PHLDB2: variants seen among roughly 807,000 people sequenced by gnomAD.
PHLDB2 encodes pleckstrin homology like domain family B member 2.
PHLDB2 carries 71 observed loss-of-function variants against 123.6 expected under a neutral mutation model. The ratio of observed to expected loss-of-function variants is 0.57; its 90% CI spans 0.47 to 0.70. PHLDB2 has a LOEUF of 0.70. Among genes scored for constraint, PHLDB2 ranks in the 30% least tolerant of loss-of-function variants. PHLDB2 has a pLI of 0.00. For synonymous variants in PHLDB2, 547 were observed against 541.6 expected, an observed-to-expected ratio of 1.01 and a Z score of -0.14; for missense variants, 1,446 against 1,519.5, an observed-to-expected ratio of 0.95 and a Z score of 0.80.
intron 3 of PHLDB2, chr3:111,916,573 T>G (rs1434245289): frequency 1.3e-5 from 2 of 152,152 alleles, no homozygotes; most frequent in Admixed American, 6.5e-5. Context: ...CTTAATGATA[T>G]TTAGAAAACC....
chr3:111,905,805 C>T (rs1007492112), intron 2 of PHLDB2, among the ~76,000 whole-genome samples: 7 of 152,130 alleles, frequency 4.6e-5, no homozygotes, highest in Admixed American at 6.5e-5. Flanking sequence ...GCTATTATGT[C>T]ATTAAAAAAT....
At position 111,935,088 on chromosome 3, in the gene PHLDB2, T is replaced by G. The variant is rs189566361; in HGVS notation, c.2130+2691T>G. On this transcript the variant is annotated intron_variant, in intron 6 of 17. Transcript: ENST00000431670. ...CTCAAATGAATGGTTGATTTTGGTA[T>G]CTTGATTTTTTTTTTTTTTTTTTTT... 2.1e-5 allele frequency among the ~76,000 whole-genome samples: 3 copies of G among 141,164 alleles called. No homozygotes were observed. The South Asian group carries it at 6.7e-4, about 32-fold the overall frequency. The allele number at this position is 141,164 out of a possible 152,430, so 92.6% of individuals were successfully genotyped here.
chr3:111,953,655 C>A, intron 11 of PHLDB2: 1 of 310,564 alleles, frequency 3.2e-6, no homozygotes, highest in Non-Finnish European at 6.1e-6. Flanking sequence ...TTCAGCCATT[C>A]TTTCAGGTGA....
intron 1 of PHLDB2, among the ~76,000 whole-genome samples, chr3:111,870,329 G>A (rs2065278304): frequency 6.6e-6 from 1 of 152,028 alleles, no homozygotes; most frequent in African/African-American, 2.4e-5. Flanking sequence ...AGATAGAGGA[G>A]GTTGAGGAGG....
intron 1 of PHLDB2, among the ~76,000 whole-genome samples, chr3:111,770,701 A>G (rs562212008): frequency 6.6e-6 from 1 of 152,348 alleles, no homozygotes; most frequent in Non-Finnish European, 1.5e-5. Flanking sequence ...GACTTCTCCA[A>G]TATTACACAG....
chr3:111,776,764 C>A (rs1370477139), intron 1 of PHLDB2, among the ~76,000 whole-genome samples: 1 of 152,058 alleles, frequency 6.6e-6, no homozygotes, highest in Non-Finnish European at 1.5e-5. Flanking sequence ...CGTGTACTTC[C>A]TTTAGATTTG....
intron 1 of PHLDB2, among the ~76,000 whole-genome samples, chr3:111,781,102 T>G (rs993554524): frequency 1.6e-4 from 25 of 152,124 alleles, no homozygotes; most frequent in Non-Finnish European, 5.9e-5. Context: ...TAAAGTCATT[T>G]TTTAGCTTTT....
At chr3:111,857,484 AT>A (rs201329947), upstream of PHLDB2, among the ~76,000 whole-genome samples, 1,965 of 150,566 alleles carry the variant, frequency 0.013, 36 homozygotes, top group African/African-American at 0.04. Context: ...AGAAAAAAAA[AT>A]TCCAAGGTAA....
At chr3:111,927,372 T>G (rs916706489) in intron 5 of PHLDB2, among the ~76,000 whole-genome samples, 6 of 151,928 alleles carry the variant, frequency 3.9e-5, no homozygotes, top group Non-Finnish European at 7.4e-5. Flanking sequence ...GTCAAATAAA[T>G]AAATAAATAA....
At chr3:111,852,492 A>G (rs577931688) in intron 2 of PHLDB2, among the ~76,000 whole-genome samples, 100 of 151,822 alleles carry the variant, frequency 6.6e-4, no homozygotes, top group African/African-American at 2.4e-3. Flanking sequence ...AAATCAAGGT[A>G]TGGTATAACT....
chr3:111,816,132 G>GTT (rs2062065632), intron 1 of PHLDB2, among the ~76,000 whole-genome samples: 2 of 152,228 alleles, frequency 1.3e-5, no homozygotes, highest in Non-Finnish European at 2.9e-5. Context: ...CCATGCAGAA[G>GTT]TTTGCTGCCA....
At chr3:111,962,433 CT>C in intron 13 of PHLDB2, 121 bp downstream of exon 13, 1 of 776,498 alleles carries the variant, frequency 1.3e-6, no homozygotes, top group South Asian at 1.8e-5. Flanking sequence ...CATAAAGGGT[CT>C]GTAATGCAGA....
chr3:111,896,098 G>A (rs780528243), intron 2 of PHLDB2, among the ~76,000 whole-genome samples: 165 of 151,938 alleles, frequency 1.1e-3, no homozygotes, highest in African/African-American at 3.9e-3. Context: ...GATTACAGGT[G>A]CATGCCACAA....
intron 9 of PHLDB2, among the ~76,000 whole-genome samples, chr3:111,946,758 G>A (rs973379716): frequency 6.6e-6 from 1 of 152,188 alleles, no homozygotes; most frequent in Non-Finnish European, 1.5e-5. Flanking sequence ...TTTTAAGCAG[G>A]GAGGTGACAT....
chr3:111,856,372 C>G (rs2108627639), upstream of PHLDB2, among the ~76,000 whole-genome samples: 1 of 152,266 alleles, frequency 6.6e-6, no homozygotes, highest in African/African-American at 2.4e-5. Flanking sequence ...CTGCCTCTAC[C>G]AACTTATTAC....
chr3:111,761,647 G>T (rs1381728183), intron 1 of PHLDB2, among the ~76,000 whole-genome samples: 1 of 133,962 alleles, frequency 7.5e-6, no homozygotes, highest in African/African-American at 2.8e-5. Flanking sequence ...ATCACTTCAA[G>T]GGCTTGTTAA....
chr3:111,736,157 T>C (rs1003780768), intron 1 of PHLDB2, among the ~76,000 whole-genome samples: 2 of 152,126 alleles, frequency 1.3e-5, no homozygotes, highest in African/African-American at 2.4e-5. Context: ...ACACACACAA[T>C]AGCAATTGCC....
At chr3:111,743,980 C>G (rs764255006) in intron 1 of PHLDB2, among the ~76,000 whole-genome samples, 25 of 152,118 alleles carry the variant, frequency 1.6e-4, no homozygotes, top group Non-Finnish European at 3.4e-4. Context: ...ATATTTAAAA[C>G]TTATTTACAA....
chr3:111,830,989 G>GAA (rs1220710317), intron 1 of PHLDB2, among the ~76,000 whole-genome samples: 1 of 65,452 alleles, frequency 1.5e-5, no homozygotes, highest in African/African-American at 8.4e-5. Flanking sequence ...AAGAAAGAAA[G>GAA]AAAGAAAGAA....
Sources: allele counts gnomAD v4.1 joint callset (sites outside exome capture counted in the v4.1 genomes callset), GRCh38; gene constraint gnomAD v4.1.1; transcripts MANE v1.5; gene names NCBI Gene and HGNC (gene_info 2026-07-23, HGNC 2026-07-21).